Variants in UBR1 observed in about 807,000 individuals in gnomAD.
The protein encoded by UBR1 is E3 ubiquitin-protein ligase UBR1.
In UBR1, 102 loss-of-function variants were observed where a neutral mutation model predicts 242.1. The observed-to-expected ratio is 0.42, with a 90% CI of 0.36 to 0.50. The LOEUF (loss-of-function observed/expected upper bound fraction) is 0.50, where lower values mean the gene tolerates loss of function less well. Among genes scored for constraint, UBR1 ranks in the 20% least tolerant of loss-of-function variants. The pLI, the probability that UBR1 is intolerant of heterozygous loss-of-function variation, is 0.01. For missense variants in UBR1, 1,772 were observed against 2,101.8 expected, an observed-to-expected ratio of 0.84 and a Z score of 3.07; for synonymous variants, 675 against 684.8, an observed-to-expected ratio of 0.99 and a Z score of 0.22.
chr15:43,090,807 G>A (rs1317516892), intron 1 of UBR1, among the ~76,000 whole-genome samples: 1 of 152,142 alleles, frequency 6.6e-6, no homozygotes, highest in African/African-American at 2.4e-5. Context: ...GAAGTAAACT[G>A]ACTTGTCCAA....
At chr15:43,015,579 C>T (rs1053082708) in intron 29 of UBR1, 109 bp downstream of exon 29, 3 of 1,204,962 alleles carry the variant, frequency 2.5e-6, no homozygotes, top group African/African-American at 3.0e-5. Flanking sequence ...ACCTTCCCTC[C>T]ACTATTGTCC....
At chr15:42,988,456 G>C (rs1010867726) in intron 35 of UBR1, 1 of 272,378 alleles carries the variant, frequency 3.7e-6, no homozygotes, top group African/African-American at 2.3e-5. Context: ...CACCACGCCT[G>C]GCTAATTTTT....
chr15:42,968,698 T>C (rs1387073275), intron 40 of UBR1, among the ~76,000 whole-genome samples: 4 of 152,018 alleles, frequency 2.6e-5, no homozygotes, highest in Non-Finnish European at 5.9e-5. Flanking sequence ...CAGGCCCTGG[T>C]GTGTGATGTT....
chr15:42,970,766 A>G (rs1290740798), intron 39 of UBR1, among the ~76,000 whole-genome samples, 159 bp from the exon 40 acceptor site: 1 of 151,096 alleles, frequency 6.6e-6, no homozygotes, highest in Non-Finnish European at 1.5e-5. Flanking sequence ...CTTGTTGCCC[A>G]GGCTGGAGAG....
chr15:43,101,385 CAG>C (rs1458727545), intron 1 of UBR1, among the ~76,000 whole-genome samples: 1 of 152,170 alleles, frequency 6.6e-6, no homozygotes, highest in East Asian at 1.9e-4. Flanking sequence ...GCCAAGACAA[CAG>C]AGAGTGACTT....
intron 44 of UBR1, among the ~76,000 whole-genome samples, chr15:42,952,928 T>A (rs2031858912): frequency 6.6e-6 from 1 of 151,984 alleles, no homozygotes; most frequent in South Asian, 2.1e-4. Flanking sequence ...ATTTCTTTTC[T>A]TTTCTTTTTT....
chr15:43,019,643 T>G (rs1301505452), intron 27 of UBR1, among the ~76,000 whole-genome samples: 6 of 145,522 alleles, frequency 4.1e-5, no homozygotes, highest in Non-Finnish European at 7.5e-5. Context: ...AGTGCAGTGG[T>G]GCGATCTCGG....
At chr15:42,961,303 G>C (rs960519547) in intron 42 of UBR1, among the ~76,000 whole-genome samples, 3 of 151,726 alleles carry the variant, frequency 2.0e-5, no homozygotes, top group African/African-American at 7.3e-5. Context: ...AGTAGAGACA[G>C]GGTTTCACCA....
chr15:43,105,103 C>T (rs2034281499), intron 1 of UBR1, among the ~76,000 whole-genome samples: 1 of 152,038 alleles, frequency 6.6e-6, no homozygotes, highest in Admixed American at 6.6e-5. Flanking sequence ...TGTGTATATC[C>T]CAAATCTCTA....
chr15:43,089,668 A>C (rs957870164), intron 1 of UBR1, among the ~76,000 whole-genome samples: 1 of 152,160 alleles, frequency 6.6e-6, no homozygotes, highest in African/African-American at 2.4e-5. Flanking sequence ...TCTTGGGCTC[A>C]AGTGATCCTC....
At chr15:43,093,882 C>G (rs117002362) in intron 1 of UBR1, among the ~76,000 whole-genome samples, 2,944 of 150,968 alleles carry the variant, frequency 0.02, 47 homozygotes, top group Non-Finnish European at 0.028. Flanking sequence ...CTGAAATAAA[C>G]CAATATAATT....
intron 19 of UBR1, among the ~76,000 whole-genome samples, chr15:43,034,901 A>C (rs28676408): frequency 7.6e-6 from 1 of 131,576 alleles, no homozygotes; most frequent in Non-Finnish European, 1.6e-5. Context: ...AAAAAAAAAA[A>C]AAAAGAAAGA....
At chr15:43,071,368 A>G (rs2033822801) in intron 4 of UBR1, among the ~76,000 whole-genome samples, 1 of 152,232 alleles carries the variant, frequency 6.6e-6, no homozygotes, top group Non-Finnish European at 1.5e-5. Context: ...CAGAGGGACA[A>G]ATACTATATG....
At chr15:43,104,885 T>C (rs142389707) in intron 1 of UBR1, among the ~76,000 whole-genome samples, 2 of 152,116 alleles carry the variant, frequency 1.3e-5, no homozygotes, top group East Asian at 1.9e-4. Context: ...CAGGCACCTG[T>C]AATCCCAGCT....
intron 37 of UBR1, among the ~76,000 whole-genome samples, chr15:42,980,967 CT>C (rs2032369272): frequency 6.6e-6 from 1 of 152,120 alleles, no homozygotes; most frequent in African/African-American, 2.4e-5. Flanking sequence ...TAGAAAATAG[CT>C]CCTATTCTGG....
intron 19 of UBR1, among the ~76,000 whole-genome samples, chr15:43,033,516 C>A (rs994112547): frequency 6.6e-6 from 1 of 152,092 alleles, no homozygotes; most frequent in African/African-American, 2.4e-5. Flanking sequence ...TGGTGGCATG[C>A]GCCTGTAATC....
intron 33 of UBR1, among the ~76,000 whole-genome samples, chr15:42,994,630 G>A (rs1023803345): frequency 5.9e-5 from 9 of 152,216 alleles, no homozygotes; most frequent in African/African-American, 2.2e-4. Flanking sequence ...TTTACTATCT[G>A]TCTTTTCTCC....
In UBR1 at chr15:43,030,063, G is replaced by A. The variant is rs1388367359; in HGVS notation, c.2260C>T (p.Arg754Cys). The A allele has an allele frequency of 6.2e-7, 1 of 1,613,272 alleles. No individual in the cohort carries two copies. Among genetic ancestry groups the A allele is most frequent in the Non-Finnish European group, 8.5e-7 (1 of 1,179,804 alleles). ...ACATTTCCCACTCCAGGTACATAAC[G>A]CTCACCTAGTTCAAATAATTAAAAA... ...LQVLIYIVGE[R>C]YVPGVGNVTK... Residue 754 changes from arginine (R) to cysteine (C), a missense_variant, in exon 21 of 47, where the codon CGT (arginine) becomes TGT (cysteine). Arg to Cys is a radical substitution (Grantham distance 180, BLOSUM62 -3). This residue lies in a region of UBR1 where 73 missense variants were observed against 128.9 expected (regional missense o/e 0.57). Coordinates refer to ENST00000290650, the MANE Select transcript of UBR1 (RefSeq NM_174916.3).
chr15:43,015,916 A>C, intron 28 of UBR1, 47 bp from the exon 29 acceptor site: 1 of 1,570,996 alleles, frequency 6.4e-7, no homozygotes, highest in South Asian at 1.1e-5. Flanking sequence ...ACTGTTAAAC[A>C]TTTATATACG....
Sources: gnomAD v4.1 joint callset for allele counts (sites outside exome capture counted in the v4.1 genomes callset) on GRCh38, gnomAD v4.1.1 for gene constraint, gnomAD v4.1.1 regional missense constraint, MANE v1.5 for transcripts, NCBI Gene and HGNC (gene_info 2026-07-23, HGNC 2026-07-21) for gene names.